The following EFR3B variants were observed in gnomAD, a reference collection of about 807,000 sequenced individuals.
The protein encoded by EFR3B is EFR3 homolog B.
In EFR3B, 64 loss-of-function variants were observed where a neutral mutation model predicts 104.7. The observed-to-expected ratio is 0.61, with a 90% confidence interval of 0.50 to 0.75. The LOEUF (loss-of-function observed/expected upper bound fraction) is 0.75. Among genes scored for constraint, EFR3B ranks in the 30% least tolerant of loss-of-function variants. EFR3B has a pLI of 0.00. For synonymous variants in EFR3B, 385 were observed against 417.9 expected (o/e 0.92, Z 0.96); for missense variants, 750 against 1,078.5 (o/e 0.70, Z 4.27).
chr2:25,123,688 T>A (rs550288663), intron 5 of EFR3B, among the ~76,000 whole-genome samples: 1 of 152,324 alleles, frequency 6.6e-6, no homozygotes, highest in African/African-American at 2.4e-5. Flanking sequence ...AGGGGAGGTA[T>A]AGGACCATGG....
Position 25,153,737 on chromosome 2 carries a change from A to G in EFR3B, c.2324A>G (p.Asn775Ser), listed in dbSNP as rs1226253929. The G allele has an allele frequency of 6.4e-7, 1 of 1,551,688 alleles. No individual in the cohort carries two copies. Among genetic ancestry groups the G allele is most frequent in the Admixed American group, 2.0e-5 (1 of 51,002 alleles). The change falls in exon 22 of 23, where the codon AAT (asparagine) becomes AGT (serine). Residue 775 changes from asparagine to serine, a missense_variant. Physicochemically the swap from Asn to Ser is conservative, Grantham distance 46. Coordinates refer to ENST00000403714, the MANE Select transcript of EFR3B (RefSeq NM_014971.2). The part of the protein sequence containing the change: ...ARASLLQSKL[N>S]QIFEITIRPP... ...GCATCGCTGCTCCAGAGCAAACTCA[A>G]TCAGATCTTTGAAATCACCATCCGG...
chr2:25,125,755 T>C (rs371006863), intron 5 of EFR3B, among the ~76,000 whole-genome samples: 88 of 152,330 alleles, frequency 5.8e-4, no homozygotes, highest in South Asian at 1.2e-3. Context: ...GAGACCATCC[T>C]GGCTAACACG....
At chr2:25,054,094 T>C (rs904929452) in intron 1 of EFR3B, among the ~76,000 whole-genome samples, 2 of 152,172 alleles carry the variant, frequency 1.3e-5, no homozygotes, top group Non-Finnish European at 2.9e-5. Flanking sequence ...CTGGAATTGA[T>C]GGACACGTGG....
chr2:25,050,686 A>C (rs1667842283), intron 1 of EFR3B, among the ~76,000 whole-genome samples: 2 of 152,226 alleles, frequency 1.3e-5, no homozygotes, highest in Admixed American at 6.5e-5. Context: ...CCAGGAATAA[A>C]GTTATTTCAG....
intron 1 of EFR3B, among the ~76,000 whole-genome samples, chr2:25,087,991 A>T (rs564667): frequency 0.51 from 77,886 of 151,908 alleles, 20,574 homozygotes; most frequent in East Asian, 0.8. Flanking sequence ...AGGGCTGTGT[A>T]TATGTTCATT....
At chr2:25,048,823 G>A (rs936861929) in intron 1 of EFR3B, among the ~76,000 whole-genome samples, 1 of 152,144 alleles carries the variant, frequency 6.6e-6, no homozygotes, top group African/African-American at 2.4e-5. Flanking sequence ...CCACGTCTTG[G>A]TGGTAGTGGT....
chr2:25,049,876 A>G (rs1667818633), intron 1 of EFR3B, among the ~76,000 whole-genome samples: 2 of 150,884 alleles, frequency 1.3e-5, no homozygotes, highest in African/African-American at 4.9e-5. Context: ...GCACTTTGGA[A>G]GGCCGAGGTG....
chr2:25,056,925 T>A (rs918164353), intron 1 of EFR3B, among the ~76,000 whole-genome samples: 1 of 152,082 alleles, frequency 6.6e-6, no homozygotes, highest in African/African-American at 2.4e-5. Flanking sequence ...GCTGTGTAAA[T>A]TTGGGCAAGA....
intron 1 of EFR3B, among the ~76,000 whole-genome samples, chr2:25,052,127 C>T (rs569632043): frequency 2.0e-5 from 3 of 151,466 alleles, no homozygotes; most frequent in East Asian, 3.9e-4. Context: ...ACCCGGGAGG[C>T]GGAGGTTGCA....
intron 22 of EFR3B, 126 bp downstream of exon 22, chr2:25,153,887 T>G: frequency 9.7e-7 from 1 of 1,033,430 alleles, no homozygotes; most frequent in Non-Finnish European, 1.5e-6. Flanking sequence ...CTGTAATCTC[T>G]ATCCCCTGGG....
At chr2:25,084,038 G>A (rs1668881524) in intron 1 of EFR3B, among the ~76,000 whole-genome samples, 1 of 152,072 alleles carries the variant, frequency 6.6e-6, no homozygotes, top group Admixed American at 6.6e-5. Flanking sequence ...TCTGAAAGTA[G>A]ATTTTTGGGG....
At chr2:25,045,142 C>T (rs1000305167) in intron 1 of EFR3B, among the ~76,000 whole-genome samples, 4 of 152,184 alleles carry the variant, frequency 2.6e-5, no homozygotes, top group African/African-American at 4.8e-5. Flanking sequence ...GACCTGTTCC[C>T]TCCTTTCCTC....
chr2:25,137,290 C>T lies in EFR3B; in HGVS notation c.1561-51C>T. The T allele has an allele frequency of 6.5e-7, 1 of 1,545,814 alleles. No homozygotes were observed. Among genetic ancestry groups the T allele is most frequent in the African/African-American group, 1.4e-5 (1 of 73,052 alleles). The stretch of plus-strand genomic sequence containing the variant: ...GTCTTCCTCCGTGTTCTCCTTGCCC[C>T]TCCTGTCCCCATCCCTCCGACCCTG... On this transcript the variant is annotated intron_variant, in intron 14 of 22. Coordinates refer to ENST00000403714, the MANE Select transcript of EFR3B (RefSeq NM_014971.2). This position sits in a 1 kb window ranked among gnomAD's most constrained non-coding sequence, Gnocchi z 4.7.
At chr2:25,133,300 G>C (rs571529026) in intron 11 of EFR3B, 83 bp from the exon 12 acceptor site, 2 of 1,425,990 alleles carry the variant, frequency 1.4e-6, no homozygotes, top group Non-Finnish European at 1.9e-6. Context: ...ATGGAGAAAC[G>C]AATTGGGGTA....
intron 1 of EFR3B, among the ~76,000 whole-genome samples, chr2:25,061,454 C>T (rs974632572): frequency 6.6e-6 from 1 of 151,338 alleles, no homozygotes; most frequent in African/African-American, 2.4e-5. Flanking sequence ...ACACGGGCAA[C>T]GTAGATGGCC....
intron 4 of EFR3B, among the ~76,000 whole-genome samples, chr2:25,111,608 C>T (rs908824067): frequency 2.0e-5 from 3 of 152,180 alleles, no homozygotes; most frequent in Admixed American, 1.3e-4. Flanking sequence ...CAGATGTGAT[C>T]AAGTTAAGAA....
chr2:25,092,129 C>T (rs1052451173), intron 2 of EFR3B, among the ~76,000 whole-genome samples: 4 of 151,374 alleles, frequency 2.6e-5, no homozygotes, highest in Admixed American at 6.6e-5. Context: ...GGTGCAGTGG[C>T]GCGATCTCGG....
At chr2:25,119,792 A>C (rs1386867506) in intron 4 of EFR3B, among the ~76,000 whole-genome samples, 2 of 152,238 alleles carry the variant, frequency 1.3e-5, no homozygotes, top group African/African-American at 4.8e-5. Context: ...TACAATAATT[A>C]ATGATGTTTG....
intron 1 of EFR3B, 23 bp from the exon 2 acceptor site, chr2:25,091,302 A>G: frequency 1.3e-6 from 2 of 1,548,192 alleles, no homozygotes; most frequent in Non-Finnish European, 8.7e-7. Context: ...CTTTGCTCAC[A>G]GTTTTTCCCA....
Sources: gnomAD v4.1 joint callset for allele counts (sites outside exome capture counted in the v4.1 genomes callset) on GRCh38, gnomAD v4.1.1 for gene constraint, Gnocchi (gnomAD v3.1) non-coding constraint, MANE v1.5 for transcripts, NCBI Gene and HGNC (gene_info 2026-07-23, HGNC 2026-07-21) for gene names.